RAB31: variants seen among roughly 807,000 people sequenced by gnomAD.
The protein encoded by RAB31 is ras-related protein Rab-31.
In RAB31, 21 loss-of-function variants were observed where a neutral mutation model predicts 25.6. The ratio of observed to expected loss-of-function variants is 0.82; its 90% CI spans 0.58 to 1.18. RAB31 has a LOEUF of 1.18. RAB31 is among the 50% of genes most tolerant of loss of function. The pLI is 0.00. For missense variants in RAB31, 196 were observed against 250.1 expected (o/e 0.78, Z 1.46); for synonymous variants, 87 against 84.0 (o/e 1.04, Z -0.20).
At chr18:9,715,558 C>G (rs919300003) in intron 1 of RAB31, among the ~76,000 whole-genome samples, 1 of 133,002 alleles carries the variant, frequency 7.5e-6, no homozygotes, top group African/African-American at 2.8e-5. Context: ...GACATGGAGT[C>G]TCGCTCTGTC....
chr18:9,734,185 C>T (rs1006081585), intron 1 of RAB31, among the ~76,000 whole-genome samples: 1 of 152,026 alleles, frequency 6.6e-6, no homozygotes, highest in Non-Finnish European at 1.5e-5. Context: ...TAGTATCTAT[C>T]GCACTCTATA....
chr18:9,709,637 G>A (rs999069068), intron 1 of RAB31, among the ~76,000 whole-genome samples: 5 of 152,222 alleles, frequency 3.3e-5, no homozygotes, highest in Middle Eastern at 3.4e-3. Flanking sequence ...CATCCCTTAC[G>A]CTAACTCGAT....
At chr18:9,796,910 T>C (rs2068489334) in intron 3 of RAB31, among the ~76,000 whole-genome samples, 1 of 152,166 alleles carries the variant, frequency 6.6e-6, no homozygotes, top group East Asian at 1.9e-4. Flanking sequence ...TAAATATTAA[T>C]TAAAGTTATA....
chr18:9,817,184 C>A (rs1599052044), intron 5 of RAB31, among the ~76,000 whole-genome samples: 1 of 152,162 alleles, frequency 6.6e-6, no homozygotes, highest in Non-Finnish European at 1.5e-5. Flanking sequence ...GTAGAGACGA[C>A]CTTTGCTGAG....
At chr18:9,776,528 C>T (rs1245898562) in intron 2 of RAB31, among the ~76,000 whole-genome samples, 1 of 152,166 alleles carries the variant, frequency 6.6e-6, no homozygotes, top group Non-Finnish European at 1.5e-5. Context: ...GAAACATACT[C>T]ATGAAAATAT....
chr18:9,780,263 GT>G (rs537836039), intron 2 of RAB31, among the ~76,000 whole-genome samples: 13 of 149,428 alleles, frequency 8.7e-5, no homozygotes, highest in South Asian at 4.2e-4. Flanking sequence ...TGTACATACA[GT>G]TTTTTTTTAC....
chr18:9,737,595 G>A (rs1293872523), intron 1 of RAB31, among the ~76,000 whole-genome samples: 1 of 152,064 alleles, frequency 6.6e-6, no homozygotes, highest in African/African-American at 2.4e-5. Context: ...CCTCTCCTGC[G>A]GCTCTTCTGC....
chr18:9,770,488 G>A (rs189551284), intron 1 of RAB31, among the ~76,000 whole-genome samples: 2 of 152,186 alleles, frequency 1.3e-5, no homozygotes, highest in Non-Finnish European at 2.9e-5. Flanking sequence ...AACAGCAGGG[G>A]TTGTCATTTC....
intron 1 of RAB31, among the ~76,000 whole-genome samples, chr18:9,759,475 T>G (rs2068276739): frequency 6.9e-6 from 1 of 144,522 alleles, no homozygotes; most frequent in Non-Finnish European, 1.5e-5. Context: ...CTGTCCTATC[T>G]AGTAGATCTT....
chr18:9,713,030 G>T (rs1324330044), intron 1 of RAB31, among the ~76,000 whole-genome samples: 1 of 152,150 alleles, frequency 6.6e-6, no homozygotes, highest in Non-Finnish European at 1.5e-5. Context: ...TCGCATGGAA[G>T]GCCTCTTGTC....
intron 1 of RAB31, among the ~76,000 whole-genome samples, chr18:9,765,441 T>C (rs1031502242): frequency 2.0e-5 from 3 of 152,198 alleles, no homozygotes; most frequent in Non-Finnish European, 4.4e-5. Context: ...AAAGGAATCT[T>C]ATAGAATGGG....
At chr18:9,808,861 C>T (rs944018001) in intron 3 of RAB31, among the ~76,000 whole-genome samples, 1 of 152,256 alleles carries the variant, frequency 6.6e-6, no homozygotes, top group African/African-American at 2.4e-5. Context: ...TGGAGCTGTG[C>T]TTGTTGGGAA....
At chr18:9,719,017 C>T (rs2068058062) in intron 1 of RAB31, among the ~76,000 whole-genome samples, 1 of 151,802 alleles carries the variant, frequency 6.6e-6, no homozygotes, top group South Asian at 2.1e-4. Context: ...CGCCTGTAAT[C>T]CCAGCACTTT....
chr18:9,857,008 A>G (rs904969856), intron 6 of RAB31, among the ~76,000 whole-genome samples: 3 of 152,116 alleles, frequency 2.0e-5, no homozygotes, highest in African/African-American at 4.8e-5. Context: ...AAAGAATAGC[A>G]TGTCCAGAAA....
At chr18:9,765,306 G>A (rs908815722) in intron 1 of RAB31, among the ~76,000 whole-genome samples, 3 of 152,118 alleles carry the variant, frequency 2.0e-5, no homozygotes, top group Admixed American at 2.0e-4. Context: ...TTGTGTTATG[G>A]TTTTCTCACT....
chr18:9,839,375 T>TG (rs1211240940), intron 5 of RAB31, among the ~76,000 whole-genome samples: 2 of 152,094 alleles, frequency 1.3e-5, no homozygotes, highest in East Asian at 1.9e-4. Context: ...TCTCCAGCAA[T>TG]CAGAAGATGT....
chr18:9,754,497 C>T (rs546414331), intron 1 of RAB31, among the ~76,000 whole-genome samples: 3 of 152,232 alleles, frequency 2.0e-5, no homozygotes, highest in Non-Finnish European at 4.4e-5. Context: ...TCAGGCTGCT[C>T]TCGAACTTCT....
At chr18:9,779,424 A>G (rs1379435712) in intron 2 of RAB31, among the ~76,000 whole-genome samples, 1 of 152,216 alleles carries the variant, frequency 6.6e-6, no homozygotes, top group Non-Finnish European at 1.5e-5. Flanking sequence ...TATACAAGCT[A>G]AAAATGAAAA....
chr18:9,823,068 A>G (rs1312956015), intron 5 of RAB31, among the ~76,000 whole-genome samples: 1 of 152,242 alleles, frequency 6.6e-6, no homozygotes, highest in Non-Finnish European at 1.5e-5. Flanking sequence ...ACCATGGACT[A>G]CTACTCAGCA....
Sources: gnomAD v4.1 joint callset for allele counts (sites outside exome capture counted in the v4.1 genomes callset) on GRCh38, gnomAD v4.1.1 for gene constraint, MANE v1.5 for transcripts, NCBI Gene and HGNC (gene_info 2026-07-23, HGNC 2026-07-21) for gene names.